The following PWP2 variants were observed in gnomAD, a reference collection of about 807,000 sequenced individuals.
The protein encoded by PWP2 is periodic tryptophan protein 2 homolog.
For missense variants in PWP2, 35 were observed against 114.1 expected (o/e 0.31, Z 3.16); for synonymous variants, 24 against 45.4 (o/e 0.53, Z 1.89).
In PWP2 at chr21:44,114,194, TG is replaced by T; in HGVS notation, c.244del (p.Val82SerfsTer145). ...IIVDEGGDAL[L>X]VSLVCRSVLH... ...CGTCCTGCAGGGGGCGATGCGCTGCTGGTCAGCCTGGTCTGCAGGTCTGTGC... is the reference window on the plus strand; with the variant it reads ...CGTCCTGCAGGGGGCGATGCGCTGCTGTCAGCCTGGTCTGCAGGTCTGTGC... On this transcript the variant is annotated frameshift_variant, in exon 4 of 21. Transcript: ENST00000291576. LOFTEE classifies it high-confidence loss of function. 4.5e-6 allele frequency: 2 copies of T among 448,438 alleles called. No individual in the cohort carries two copies. The highest frequency in any genetic ancestry group is 8.1e-6 in the Non-Finnish European group (2 of 245,794). 27.8% of individuals were successfully genotyped at this position (448,438 alleles called of 1,614,324 possible). A position where few individuals can be genotyped will look rare whatever the true frequency, so the allele number is the denominator to read the frequency against.
rs895279093 is a variant in PWP2 at position 44,112,956 on chromosome 21, C to CT, written c.132-786dup. On this transcript the variant is annotated intron_variant, in intron 2 of 20. Coordinates refer to ENST00000291576, the MANE Select transcript of PWP2 (RefSeq NM_005049.3). ...TCCAGGGACAACGTCATTTCTTTTT[C>CT]TTTTTTTTTTTGAGACAGAGTCTTG... 6.2e-4 allele frequency among the ~76,000 whole-genome samples: 24 copies of CT among 38,468 alleles called. 2 individuals carry two copies. The highest frequency in any genetic ancestry group is 8.7e-4 in the Non-Finnish European group (11 of 12,672). The allele number at this position is 38,468 out of a possible 152,430, so 25.2% of individuals were successfully genotyped here. A position where few individuals can be genotyped will look rare whatever the true frequency, so the allele number is the denominator to read the frequency against.
In PWP2 at chr21:44,119,331, C is replaced by T. The variant is rs1345082042; in HGVS notation, c.1052-56C>T. The stretch of plus-strand genomic sequence containing the variant: ...TGCCAAGTGGGAAGGTGGGCCGGGC[C>T]AGTCTGACCTGGGGTGGGCCTGAGC... On this transcript the variant is annotated intron_variant, in intron 9 of 20. Coordinates refer to ENST00000291576, the MANE Select transcript of PWP2 (RefSeq NM_005049.3). 4.0e-6 allele frequency: 2 copies of T among 497,498 alleles called. 1 individual carries two copies. Among genetic ancestry groups the T allele is most frequent in the African/African-American group, 3.5e-5 (2 of 57,884 alleles). 30.8% of individuals were successfully genotyped at this position (497,498 alleles called of 1,614,324 possible).
rs115513606 is a variant in PWP2 at position 44,112,022 on chromosome 21, G to A, written c.132-1731G>A. Among the ~76,000 whole-genome samples the A allele has an allele frequency of 8.1e-3, 538 of 66,122 alleles. 8 individuals are homozygous for A. The highest frequency in any genetic ancestry group is 0.017 in the African/African-American group (524 of 30,132). The allele number at this position is 66,122 out of a possible 152,430, so 43.4% of individuals were successfully genotyped here. A position where few individuals can be genotyped will look rare whatever the true frequency, so the allele number is the denominator to read the frequency against. On this transcript the variant is annotated intron_variant, in intron 2 of 20. Coordinates refer to ENST00000291576, the MANE Select transcript of PWP2 (RefSeq NM_005049.3). ...GAGCCACCATGCCCGGCCAGCAAGT[G>A]GTTTCTTGAGATGGAATCTACTTCT...
At chr21:44,113,387 T>C in intron 2 of PWP2, among the ~76,000 whole-genome samples, 1 of 75,678 alleles carries the variant, frequency 1.3e-5, no homozygotes, top group African/African-American at 3.3e-5. Flanking sequence ...CGCCTTGGCC[T>C]CTCAAAGTGC....
At position 44,118,805 on chromosome 21, in the gene PWP2, G is replaced by C. The variant is rs767085930; in HGVS notation, c.1023G>C (p.Ser341=). The change falls in exon 9 of 21, where the codon TCG becomes TCC. Residue 341 remains serine, a synonymous_variant. Transcript: ENST00000291576. The part of the protein sequence containing the change: ...QSIASVAINS[S]GDWIAFGCSG... ...TCGCCTCAGTGGCCATCAATAGCTCGGGGGACTGGATTGCTTTTGGCTGTT... is the reference window on the plus strand; with the variant it reads ...TCGCCTCAGTGGCCATCAATAGCTCCGGGGACTGGATTGCTTTTGGCTGTT... 6 of 634,164 alleles carry C rather than the reference G, an allele frequency of 9.5e-6. 1 individual carries two copies. In the African/African-American group the frequency reaches 9.7e-5, roughly 10 times the overall value. The allele number at this position is 634,164 out of a possible 1,614,324, so 39.3% of individuals were successfully genotyped here. A position where few individuals can be genotyped will look rare whatever the true frequency, so the allele number is the denominator to read the frequency against.
At chr21:44,114,079 A>T in intron 3 of PWP2, 100 bp from the exon 4 acceptor site, 1 of 220,954 alleles carries the variant, frequency 4.5e-6, no homozygotes, top group East Asian at 6.1e-5. Flanking sequence ...CTGACTCCTC[A>T]CAGTGGACGC....
chr21:44,109,413 AG>A (rs2146270217), intron 2 of PWP2, among the ~76,000 whole-genome samples: 1 of 21,572 alleles, frequency 4.6e-5, no homozygotes, highest in African/African-American at 7.7e-5. Flanking sequence ...GGTGTAGCTC[AG>A]GGTTAGCCCT....
rs1411917495 is a variant in PWP2 at position 44,119,203 on chromosome 21, G to C, written c.1052-184G>C. 1.1e-5 allele frequency: 2 copies of C among 184,510 alleles called. 1 individual carries two copies. The highest frequency in any genetic ancestry group is 4.7e-5 in the African/African-American group (2 of 42,552). 11.4% of individuals were successfully genotyped at this position (184,510 alleles called of 1,614,324 possible). ...TGCAACCACTGGGTTGCACGGGCGG[G>C]GCCCATCACTGGCTGGTGAAGCTGC... On this transcript the variant is annotated intron_variant, in intron 9 of 20. Coordinates refer to ENST00000291576, the MANE Select transcript of PWP2 (RefSeq NM_005049.3).
Position 44,113,183 on chromosome 21 carries a change from G to A in PWP2, c.132-570G>A. 1.8e-3 allele frequency among the ~76,000 whole-genome samples: 2 copies of A among 1,084 alleles called. 1 individual carries two copies. Among genetic ancestry groups the A allele is most frequent in the Non-Finnish European group, 2.9e-3 (2 of 688 alleles). The allele number at this position is 1,084 out of a possible 152,430, so 0.7% of individuals were successfully genotyped here. ...GTCTTGCCCTGTCGCCCAGGCTGGA[G>A]TGCAGTGGTGCAACCTTGGCTCACT... On this transcript the variant is annotated intron_variant, in intron 2 of 20. Coordinates refer to ENST00000291576, the MANE Select transcript of PWP2 (RefSeq NM_005049.3).
At position 44,129,086 on chromosome 21, in the gene PWP2, C is replaced by T. The variant is rs2039336949; in HGVS notation, c.2585+460C>T. Among the ~76,000 whole-genome samples, 2 of 72,178 alleles carry T rather than the reference C, an allele frequency of 2.8e-5. 1 individual carries two copies. The highest frequency in any genetic ancestry group is 3.0e-4 in the Admixed American group (2 of 6,700). The allele number at this position is 72,178 out of a possible 152,430, so 47.4% of individuals were successfully genotyped here. On this transcript the variant is annotated intron_variant, in intron 20 of 20. Coordinates refer to ENST00000291576, the MANE Select transcript of PWP2 (RefSeq NM_005049.3). ...GTTGCTGCTGCTGCGAGGATTCATC[C>T]GCGGGCCTAGGACAGGGCCTGGCCC...
intron 8 of PWP2, among the ~76,000 whole-genome samples, chr21:44,118,344 C>T (rs1022055769): frequency 7.5e-5 from 1 of 13,376 alleles, no homozygotes; most frequent in African/African-American, 1.3e-4. Flanking sequence ...CCTGCTCTGT[C>T]GCCCAGGCTG....
In PWP2 at chr21:44,127,865, A is replaced by G. The variant is rs1402177061; in HGVS notation, c.2141-67A>G. On this transcript the variant is annotated intron_variant, in intron 17 of 20. Coordinates refer to ENST00000291576, the MANE Select transcript of PWP2 (RefSeq NM_005049.3). ...TTAATACTGTTTCTTTAAAAAAAAAAAAAAAGAAAAAAAATGTTGGGAGGA... is the reference window on the plus strand; with the variant it reads ...TTAATACTGTTTCTTTAAAAAAAAAGAAAAAGAAAAAAAATGTTGGGAGGA... 3.1e-5 allele frequency: 4 copies of G among 127,042 alleles called. 2 individuals carry two copies. The highest frequency in any genetic ancestry group is 1.3e-4 in the African/African-American group (4 of 30,598). 7.9% of individuals were successfully genotyped at this position (127,042 alleles called of 1,614,324 possible). A position where few individuals can be genotyped will look rare whatever the true frequency, so the allele number is the denominator to read the frequency against.
chr21:44,127,639 AG>A lies in PWP2; in HGVS notation c.2141-292del, dbSNP rs1216462430. 6 of 107,808 alleles carry A rather than the reference AG, an allele frequency of 5.6e-5. 3 individuals are homozygous for A. The highest frequency in any genetic ancestry group is 1.6e-4 in the Non-Finnish European group (6 of 37,900). 6.7% of individuals were successfully genotyped at this position (107,808 alleles called of 1,614,324 possible). ...GGGCCTGCGGAGCTGAAGACGCCTGAGCTAGACAGAAGACTTGGCTGGCTCC... is the reference window on the plus strand; with the variant it reads ...GGGCCTGCGGAGCTGAAGACGCCTGACTAGACAGAAGACTTGGCTGGCTCC... On this transcript the variant is annotated intron_variant, in intron 17 of 20. Transcript: ENST00000291576.
At chr21:44,107,476 C>G in intron 1 of PWP2, 42 bp downstream of exon 1, 2 of 1,062,516 alleles carry the variant, frequency 1.9e-6, no homozygotes, top group Non-Finnish European at 2.6e-6. Flanking sequence ...CGGCGCGGCT[C>G]TTCCGGTGGA....
chr21:44,111,858 C>T (rs1158689890), intron 2 of PWP2, among the ~76,000 whole-genome samples: 1 of 71,308 alleles, frequency 1.4e-5, no homozygotes, highest in African/African-American at 3.0e-5. Context: ...GGATTACAGG[C>T]GCCTACCACC....
At position 44,118,776 on chromosome 21, in the gene PWP2, A is replaced by G. The variant is rs1942215285; in HGVS notation, c.994A>G (p.Ser332Gly). The G allele has an allele frequency of 1.6e-6, 1 of 635,020 alleles. No individual in the cohort carries two copies. The highest frequency in any genetic ancestry group is 1.6e-5 in the African/African-American group (1 of 61,994). The allele number at this position is 635,020 out of a possible 1,614,324, so 39.3% of individuals were successfully genotyped here. ...CGTTCTCTGCAGCATTTCAGATCAGAGCATCGCCTCAGTGGCCATCAATAG... is the reference window on the plus strand; with the variant it reads ...CGTTCTCTGCAGCATTTCAGATCAGGGCATCGCCTCAGTGGCCATCAATAG... ...LIHSLSISDQ[S>G]IASVAINSSG... The change falls in exon 9 of 21, where the codon AGC (serine) becomes GGC (glycine). Residue 332 changes from serine (S) to glycine (G), a missense_variant. By Grantham distance (56) the Ser-to-Gly change is moderately conservative. Coordinates refer to ENST00000291576, the MANE Select transcript of PWP2 (RefSeq NM_005049.3).
rs189867688 is a variant in PWP2, at chr21:44,124,592, C to T, written c.1830C>T (p.Ala610=). ...KHAAKGKAFT[A]LCYSADGHSI... is the part of the protein sequence containing the mutation. ...CCTCTCCACCCAGGGCCTTCACCGC[C>T]CTGTGCTACTCTGCAGACGGCCACA... The change falls in exon 15 of 21, where the codon GCC becomes GCT. Residue 610 remains alanine (A), a synonymous_variant. Transcript: ENST00000291576. 5 of 284,474 alleles carry T rather than the reference C, an allele frequency of 1.8e-5. 1 individual carries two copies. The Admixed American group carries it at 3.0e-4, about 17-fold the overall frequency. The allele number at this position is 284,474 out of a possible 1,614,324, so 17.6% of individuals were successfully genotyped here.
At chr21:44,108,073 CTG>C (rs1313223101) in intron 1 of PWP2, among the ~76,000 whole-genome samples, 1 of 58,956 alleles carries the variant, frequency 1.7e-5, no homozygotes, top group African/African-American at 3.6e-5. Flanking sequence ...ATGGGGACGC[CTG>C]TGTTTCCCAC....
At chr21:44,112,094 A>G (rs8130647) in intron 2 of PWP2, among the ~76,000 whole-genome samples, 70 of 72,364 alleles carry the variant, frequency 9.7e-4, no homozygotes, top group African/African-American at 2.1e-3. Flanking sequence ...AAGGATTTAG[A>G]ATATGACATC....
Sources: gnomAD v4.1 joint callset for allele counts (sites outside exome capture counted in the v4.1 genomes callset) on GRCh38, gnomAD v4.1.1 for gene constraint, MANE v1.5 for transcripts, NCBI Gene and HGNC (gene_info 2026-07-23, HGNC 2026-07-21) for gene names.